The following CNTNAP2 variants were observed in gnomAD, a reference collection of about 807,000 sequenced individuals.
The protein encoded by CNTNAP2 is contactin associated protein 2.
A neutral mutation model predicts 155.2 loss-of-function variants in CNTNAP2; 98 were observed. The observed-to-expected ratio is 0.63, with a 90% CI of 0.54 to 0.75. The LOEUF (loss-of-function observed/expected upper bound fraction) is 0.75. Ranked by LOEUF, CNTNAP2 falls within the 30% of genes least tolerant of loss-of-function variation. The pLI is 0.00. For missense variants in CNTNAP2, 1,727 were observed against 1,688.1 expected (o/e 1.02, Z -0.40); for synonymous variants, 651 against 631.2 (o/e 1.03, Z -0.47).
intron 1 of CNTNAP2, among the ~76,000 whole-genome samples, chr7:146,140,610 C>T (rs767628619): frequency 1.7e-4 from 26 of 152,134 alleles, no homozygotes; most frequent in Non-Finnish European, 3.2e-4. Context: ...CAGCATCTCT[C>T]ATTATTTCTT....
chr7:147,939,641 A>G (rs1800679509), intron 14 of CNTNAP2, among the ~76,000 whole-genome samples: 1 of 152,092 alleles, frequency 6.6e-6, no homozygotes. Context: ...GTAGAATTTT[A>G]TGGTCACAAG....
chr7:146,856,329 CAT>C (rs933992740), intron 3 of CNTNAP2, among the ~76,000 whole-genome samples: 1 of 150,430 alleles, frequency 6.6e-6, no homozygotes, highest in Admixed American at 6.6e-5. Flanking sequence ...TACATACATA[CAT>C]ACATACATAC....
chr7:147,956,213 G>C lies in CNTNAP2; in HGVS notation c.2256-21649G>C, dbSNP rs565671621. On this transcript the variant is annotated intron_variant, in intron 14 of 23. Transcript: ENST00000361727. Reference sequence around the variant, plus strand: ...TCCTGTTAAAACACAAAATACATGAGTGAATATTTATGTGTATATTTTTCA... The same window carrying C: ...TCCTGTTAAAACACAAAATACATGACTGAATATTTATGTGTATATTTTTCA... 1.2e-3 allele frequency among the ~76,000 whole-genome samples: 187 copies of C among 151,804 alleles called. 2 individuals carry two copies. Among genetic ancestry groups the C allele is most frequent in the African/African-American group, 4.4e-3 (182 of 41,354 alleles).
At chr7:147,314,083 A>C (rs1795179474) in intron 9 of CNTNAP2, among the ~76,000 whole-genome samples, 1 of 152,148 alleles carries the variant, frequency 6.6e-6, no homozygotes, top group Non-Finnish European at 1.5e-5. Context: ...TTGGTGTATA[A>C]GAATGCATGT....
chr7:147,958,198 A>AT (rs5888297), intron 14 of CNTNAP2, among the ~76,000 whole-genome samples: 122,824 of 152,044 alleles, frequency 0.81, 50,666 homozygotes, highest in South Asian at 0.92. Flanking sequence ...CTAGAAGTTA[A>AT]TTCTTTGCCT....
At chr7:146,252,911 A>G (rs1799778587) in intron 1 of CNTNAP2, among the ~76,000 whole-genome samples, 1 of 152,188 alleles carries the variant, frequency 6.6e-6, no homozygotes, top group Non-Finnish European at 1.5e-5. Context: ...AGCAACAATT[A>G]TAATGGCAAA....
At chr7:147,998,032 C>T (rs1394098152) in intron 15 of CNTNAP2, among the ~76,000 whole-genome samples, 1 of 151,040 alleles carries the variant, frequency 6.6e-6, no homozygotes. Flanking sequence ...CAAGCGAATG[C>T]TGGGGCTTAT....
intron 2 of CNTNAP2, among the ~76,000 whole-genome samples, chr7:146,837,449 A>G (rs1210724691): frequency 6.6e-6 from 1 of 152,050 alleles, no homozygotes; most frequent in Non-Finnish European, 1.5e-5. Flanking sequence ...GCATTTTTAA[A>G]AAATGTTTAT....
chr7:147,508,394 T>C (rs1798953693), intron 11 of CNTNAP2, among the ~76,000 whole-genome samples: 1 of 152,160 alleles, frequency 6.6e-6, no homozygotes, highest in African/African-American at 2.4e-5. Flanking sequence ...GTTCAGCATC[T>C]TCCATCTCTG....
chr7:147,511,302 T>C (rs947621532), intron 11 of CNTNAP2, among the ~76,000 whole-genome samples: 2 of 152,126 alleles, frequency 1.3e-5, no homozygotes, highest in African/African-American at 4.8e-5. Flanking sequence ...TTTCTTTTTG[T>C]TCTGATCTTC....
intron 12 of CNTNAP2, among the ~76,000 whole-genome samples, chr7:147,585,264 A>G (rs986266253): frequency 6.6e-6 from 1 of 151,988 alleles, no homozygotes; most frequent in Non-Finnish European, 1.5e-5. Flanking sequence ...ATGGAGTATT[A>G]TTTTTCAAAT....
intron 9 of CNTNAP2, among the ~76,000 whole-genome samples, chr7:147,350,942 C>A (rs1012094165): frequency 1.5e-4 from 22 of 151,616 alleles, no homozygotes; most frequent in African/African-American, 4.8e-4. Context: ...CCACAAATAA[C>A]AAATATGATC....
intron 1 of CNTNAP2, among the ~76,000 whole-genome samples, chr7:146,633,470 G>A (rs1227801717): frequency 6.6e-6 from 1 of 152,070 alleles, no homozygotes; most frequent in Admixed American, 6.6e-5. Context: ...GATACCATAT[G>A]GCTTTGATGT....
intron 13 of CNTNAP2, among the ~76,000 whole-genome samples, chr7:147,869,438 G>A (rs996568708): frequency 5.3e-5 from 8 of 152,200 alleles, no homozygotes; most frequent in African/African-American, 1.7e-4. Flanking sequence ...AATGTGTTAA[G>A]AGAATGAGAA....
At chr7:148,253,727 G>A (rs1350996172) in intron 20 of CNTNAP2, among the ~76,000 whole-genome samples, 1 of 152,220 alleles carries the variant, frequency 6.6e-6, no homozygotes, top group Non-Finnish European at 1.5e-5. Context: ...GGTGGCCCAT[G>A]GGATGAGTGT....
At chr7:147,887,162 C>G (rs1364666479) in intron 13 of CNTNAP2, among the ~76,000 whole-genome samples, 1 of 152,150 alleles carries the variant, frequency 6.6e-6, no homozygotes, top group Non-Finnish European at 1.5e-5. Context: ...CAAAAGTGCT[C>G]CCCCATAAAC....
intron 1 of CNTNAP2, among the ~76,000 whole-genome samples, chr7:146,715,775 C>A (rs1177858390): frequency 1.3e-5 from 2 of 152,136 alleles, no homozygotes; most frequent in Non-Finnish European, 2.9e-5. Context: ...ATGAAGATTA[C>A]TTAATTGCCT....
intron 8 of CNTNAP2, among the ~76,000 whole-genome samples, chr7:147,224,841 C>G (rs970328192): frequency 6.6e-6 from 1 of 152,088 alleles, no homozygotes; most frequent in Non-Finnish European, 1.5e-5. Flanking sequence ...TACAATGAAA[C>G]ATATTAATTA....
At chr7:148,312,173 T>G (rs1797607659) in intron 21 of CNTNAP2, among the ~76,000 whole-genome samples, 1 of 152,122 alleles carries the variant, frequency 6.6e-6, no homozygotes, top group South Asian at 2.1e-4. Flanking sequence ...AGTAAGGTCA[T>G]AGTTGTTTGG....
Sources: allele counts gnomAD v4.1 joint callset (sites outside exome capture counted in the v4.1 genomes callset), GRCh38; gene constraint gnomAD v4.1.1; transcripts MANE v1.5; gene names NCBI Gene and HGNC (gene_info 2026-07-23, HGNC 2026-07-21).